Variants in ARHGAP33 observed in about 807,000 individuals in gnomAD.
ARHGAP33 encodes Rho GTPase activating protein 33, also known as rho GTPase-activating protein 33.
ARHGAP33 carries 57 observed loss-of-function variants against 126.2 expected under a neutral mutation model. The observed-to-expected ratio is 0.45, with a 90% CI of 0.36 to 0.56. The LOEUF (loss-of-function observed/expected upper bound fraction) is 0.56. ARHGAP33 is among the 20% of genes least tolerant of loss of function. The pLI is 0.00. For synonymous variants in ARHGAP33, 711 were observed against 755.0 expected, an observed-to-expected ratio of 0.94 and a Z score of 0.95; for missense variants, 1,500 against 1,748.3, an observed-to-expected ratio of 0.86 and a Z score of 2.53.
rs1388934565 is a variant in ARHGAP33, at chr19:35,782,537, G to A, written c.1230+20G>A. 14 of 1,613,314 alleles carry A rather than the reference G, an allele frequency of 8.7e-6. No individual in the cohort carries two copies. The highest frequency in any genetic ancestry group is 1.2e-5 in the Non-Finnish European group (14 of 1,179,494). ...TTCAGTGTGAGTAAGGGAGCTGGCG[G>A]GACGGAGGGGGCCGGGACGCCTCTG... On this transcript the variant is annotated intron_variant, in intron 13 of 20. Coordinates refer to ENST00000007510, the MANE Select transcript of ARHGAP33 (RefSeq NM_001366178.1). This position sits in a 1 kb window ranked among gnomAD's most constrained non-coding sequence, Gnocchi z 4.1.
At position 35,788,391 on chromosome 19, in the gene ARHGAP33, T is replaced by C. The variant is rs1972242877; in HGVS notation, c.3826T>C (p.Ser1276Pro). The part of the protein sequence containing the change: ...PPPPYPTPSW[S>P]LHSEGQTRSY... ...ACCCCCTTACCCCACTCCCAGCTGG[T>C]CCCTCCACTCTGAGGGCCAGACCCG... is the stretch of plus-strand genomic sequence containing the variant. Residue 1276 changes from serine (S) to proline (P), a missense_variant, in exon 21 of 21, where the codon TCC (serine) becomes CCC (proline). Ser to Pro is a moderately conservative substitution (Grantham distance 74). This residue lies in a region of ARHGAP33 where 642 missense variants were observed against 634.0 expected (regional missense o/e 1.01). Transcript: ENST00000007510. The C allele has an allele frequency of 1.3e-6, 2 of 1,580,554 alleles. No homozygotes were observed. The highest frequency in any genetic ancestry group is 2.3e-5 in the East Asian group (1 of 43,304).
At chr19:35,776,476 C>G (rs1229929185) in intron 1 of ARHGAP33, among the ~76,000 whole-genome samples, 2 of 152,160 alleles carry the variant, frequency 1.3e-5, no homozygotes, top group South Asian at 2.1e-4. Context: ...TGGAGGGGGA[C>G]AGACCCTGAG....
chr19:35,779,753 T>A (rs1971650300), intron 6 of ARHGAP33: 1 of 356,358 alleles, frequency 2.8e-6, no homozygotes, highest in South Asian at 2.1e-5. Context: ...AAAAAATGTT[T>A]TGTAGAGACA....
At position 35,778,299 on chromosome 19, in the gene ARHGAP33, G is replaced by A. The variant is rs780668839; in HGVS notation, c.209G>A (p.Arg70His). The A allele has an allele frequency of 1.3e-5, 21 of 1,614,170 alleles. No individual in the cohort carries two copies. In the Middle Eastern group the frequency reaches 4.9e-4, roughly 38 times the overall value. Residue 70 changes from arginine (R) to histidine (H), a missense_variant, in exon 4 of 21, where the codon CGT becomes CAT. Arg to His is a conservative substitution (Grantham distance 29, BLOSUM62 0). Around this residue, in one of 6 missense-constraint regions of ARHGAP33, gnomAD observed 129 missense variants for 145.9 expected, o/e 0.88. Coordinates refer to ENST00000007510, the MANE Select transcript of ARHGAP33 (RefSeq NM_001366178.1). ...CTGCAGCTCCTGCTGTCTCCAGACC[G>A]TGAAGGGCCCAGCCTCTCTGGAGAG... Reference protein sequence around the residue: ...GHIQLLLSPDREGPSLSGENE... With the variant: ...GHIQLLLSPDHEGPSLSGENE...
At chr19:35,781,386 C>A in intron 12 of ARHGAP33, 134 bp downstream of exon 12, 1 of 854,402 alleles carries the variant, frequency 1.2e-6, no homozygotes, top group Non-Finnish European at 1.9e-6. Context: ...TCAGGGACAG[C>A]TCTCTTGAGA....
At position 35,780,832 on chromosome 19, in the gene ARHGAP33, G is replaced by T; in HGVS notation, c.829+16G>T. The T allele has an allele frequency of 6.2e-7, 1 of 1,613,766 alleles. No homozygotes were observed. Among genetic ancestry groups the T allele is most frequent in the Non-Finnish European group, 8.5e-7 (1 of 1,179,936 alleles). On this transcript the variant is annotated intron_variant, in intron 10 of 20. Transcript: ENST00000007510. ...CTGACCTCAGGTAATAGAAATAGGC[G>T]GTCAGGTCCCAGCCCCTACCCCACC... is the stretch of plus-strand genomic sequence containing the variant.
chr19:35,775,785 G>A (rs2042405352), intron 1 of ARHGAP33, 121 bp downstream of exon 1: 2 of 989,904 alleles, frequency 2.0e-6, no homozygotes, highest in Non-Finnish European at 1.4e-6. Flanking sequence ...TTCAGCCGTG[G>A]TCCCTCCCGT....
intron 12 of ARHGAP33, 95 bp downstream of exon 12, chr19:35,781,347 A>G: frequency 7.8e-7 from 1 of 1,275,300 alleles, no homozygotes; most frequent in Non-Finnish European, 1.1e-6. Context: ...AGTTACCAGG[A>G]GTCAGGAGTG....
rs1443047914 is a variant in ARHGAP33 at position 35,784,326 on chromosome 19, T to A, written c.1567+9T>A. 1 of 1,550,658 alleles carries A rather than the reference T, an allele frequency of 6.4e-7. No individual in the cohort carries two copies. The highest frequency in any genetic ancestry group is 8.7e-7 in the Non-Finnish European group (1 of 1,145,642). The stretch of plus-strand genomic sequence containing the variant: ...CGGCCTCGACCCTGCAGGTATGCCC[T>A]CCCACCCCCTGAGGTCCTGGCTACT... On this transcript the variant is annotated intron_variant, in intron 16 of 20. Transcript: ENST00000007510.
Position 35,784,234 on chromosome 19 carries a change from AG to A in ARHGAP33, c.1485del (p.Gln495HisfsTer49). 6.2e-7 allele frequency: 1 copy of A among 1,612,270 alleles called. No individual in the cohort carries two copies. Among genetic ancestry groups the A allele is most frequent in the Non-Finnish European group, 8.5e-7 (1 of 1,178,978 alleles). On this transcript the variant is annotated frameshift_variant, in exon 16 of 21. Coordinates refer to ENST00000007510, the MANE Select transcript of ARHGAP33 (RefSeq NM_001366178.1). LOFTEE classifies it high-confidence loss of function. Reference sequence around the variant, plus strand: ...GCGGCGTTCCGGGAAGTTCGGGTGCAGTCGGTGGTGGTGGAGTTTCTGCTCA... The same window carrying A: ...GCGGCGTTCCGGGAAGTTCGGGTGCATCGGTGGTGGTGGAGTTTCTGCTCA... Reference protein sequence around the residue: ...GAAAFREVRVQSVVVEFLLTH... With the variant: ...GAAAFREVRVXSVVVEFLLTH...
rs773700074 is a variant in ARHGAP33 at position 35,787,078 on chromosome 19, T to C, written c.2602+6T>C. 3 of 1,600,194 alleles carry C rather than the reference T, an allele frequency of 1.9e-6. No homozygotes were observed. The highest frequency in any genetic ancestry group is 2.7e-5 in the African/African-American group (2 of 74,318). On this transcript the variant is annotated splice_donor_region_variant and intron_variant, in intron 20 of 20. Transcript: ENST00000007510. ...GGGAGCCCAGGGCCCACTCGGTGAG[T>C]CCTCAGCCTACCCCACCCCTGTCCC...
intron 16 of ARHGAP33, chr19:35,784,565 G>A (rs1971991486): frequency 3.8e-6 from 5 of 1,314,058 alleles, no homozygotes; most frequent in South Asian, 2.3e-5. Flanking sequence ...GCTCCTGGGG[G>A]CGCTTGGGGC....
In ARHGAP33 at chr19:35,786,827, GC is replaced by G; in HGVS notation, c.2361del (p.Ala788ProfsTer6). On this transcript the variant is annotated frameshift_variant, in exon 20 of 21. Transcript: ENST00000007510. LOFTEE classifies it high-confidence loss of function. The surrounding 1 kb of genome is among the most constrained non-coding windows in gnomAD (Gnocchi z 7.0). Reference sequence around the variant, plus strand: ...GCCATCTCGCCCCGGGGGCCCACCAGCCCCGCCTCGCCTGCTGCCCTAGACA... The same window carrying G: ...GCCATCTCGCCCCGGGGGCCCACCAGCCCGCCTCGCCTGCTGCCCTAGACA... ...PQAISPRGPTSPASPAALDIS... is the reference protein window; with the variant it reads ...PQAISPRGPTXPASPAALDIS... 1 of 1,514,504 alleles carries G rather than the reference GC, an allele frequency of 6.6e-7. No individual in the cohort carries two copies. 93.8% of individuals were successfully genotyped at this position (1,514,504 alleles called of 1,614,324 possible).
rs777134004 is a variant in ARHGAP33, at chr19:35,777,838, G to C, written c.119G>C (p.Arg40Pro). Residue 40 changes from arginine (R) to proline (P), a missense_variant, in exon 3 of 21, where the codon CGA (arginine) becomes CCA (proline). Transcript: ENST00000007510. The stretch of plus-strand genomic sequence containing the variant: ...CTGTCTCCCAGGCTCTCAGCTCCTC[G>C]AGGCCCCTTCCCGCGGCTGGCTGAC... The part of the protein sequence containing the change: ...GKPGKRLSAP[R>P]GPFPRLADCA... 3.1e-6 allele frequency: 5 copies of C among 1,614,108 alleles called. No homozygotes were observed. Among genetic ancestry groups the C allele is most frequent in the Non-Finnish European group, 4.2e-6 (5 of 1,180,048 alleles).
At chr19:35,784,361 G>A in intron 16 of ARHGAP33, 44 bp downstream of exon 16, 2 of 1,509,036 alleles carry the variant, frequency 1.3e-6, no homozygotes, top group Non-Finnish European at 1.8e-6. Context: ...TGCCCACCAC[G>A]ATCAGGGCTG....
Position 35,781,044 on chromosome 19 carries a change from C to T in ARHGAP33, c.954C>T (p.Gly318=). ...LRQRVFGCDL[G]EHLSNSGQDV... is the part of the protein sequence containing the mutation. ...AGAGGGTGTTTGGCTGCGATCTTGGCGAGCACCTCAGCAACTCAGGCCAGG... is the reference window on the plus strand; with the variant it reads ...AGAGGGTGTTTGGCTGCGATCTTGGTGAGCACCTCAGCAACTCAGGCCAGG... Residue 318 remains glycine (G), a synonymous_variant, in exon 11 of 21, where the codon GGC becomes GGT. Coordinates refer to ENST00000007510, the MANE Select transcript of ARHGAP33 (RefSeq NM_001366178.1). 6.2e-7 allele frequency: 1 copy of T among 1,612,354 alleles called. No homozygotes were observed. The highest frequency in any genetic ancestry group is 8.5e-7 in the Non-Finnish European group (1 of 1,179,864).
intron 5 of ARHGAP33, 37 bp from the exon 6 acceptor site, chr19:35,778,995 C>A (rs1431119775): frequency 1.3e-6 from 2 of 1,510,720 alleles, no homozygotes; most frequent in Non-Finnish European, 1.8e-6. Context: ...TCTCTCACGT[C>A]CACTCACAGA....
chr19:35,781,457 T>C (rs898175898), intron 12 of ARHGAP33, among the ~76,000 whole-genome samples: 4 of 152,162 alleles, frequency 2.6e-5, no homozygotes, highest in Admixed American at 2.0e-4. Context: ...TGCCAGGCAC[T>C]GTTCTAGGCA....
intron 16 of ARHGAP33, 140 bp downstream of exon 16, chr19:35,784,457 G>T (rs1459256885): frequency 1.4e-6 from 2 of 1,405,208 alleles, no homozygotes; most frequent in East Asian, 5.6e-5. Flanking sequence ...TCCCGCCCCG[G>T]CCTCTCCCTC....
Sources: allele counts gnomAD v4.1 joint callset (sites outside exome capture counted in the v4.1 genomes callset), GRCh38; gene constraint gnomAD v4.1.1; regional missense constraint gnomAD v4.1.1; non-coding constraint Gnocchi (gnomAD v3.1); transcripts MANE v1.5; gene names NCBI Gene and HGNC (gene_info 2026-07-23, HGNC 2026-07-21).